The following ATP2B2 variants were observed in gnomAD, a reference collection of about 807,000 sequenced individuals.
ATP2B2 encodes plasma membrane calcium-transporting ATPase 2.
A neutral mutation model predicts 120.0 loss-of-function variants in ATP2B2; 15 were observed. That is an observed-to-expected ratio of 0.12 (90% CI 0.08 to 0.19). The LOEUF is 0.19. Ranked by LOEUF, ATP2B2 falls within the 10% of genes least tolerant of loss-of-function variation. The probability of loss-of-function intolerance (pLI) is 1.00; values close to 1 mark genes in which losing one functional copy is unlikely to be tolerated. For synonymous variants in ATP2B2, 694 were observed against 700.3 expected (o/e 0.99, Z 0.14); for missense variants, 1,045 against 1,719.8 (o/e 0.61, Z 6.94).
chr3:10,358,656 C>A, intron 14 of ATP2B2, 35 bp downstream of exon 14: 1 of 1,610,532 alleles, frequency 6.2e-7, no homozygotes, highest in Non-Finnish European at 8.5e-7. Context: ...CCAGCCTCAT[C>A]CCCTTTCCCT....
At chr3:10,405,668 G>T (rs1315807339) in intron 3 of ATP2B2, among the ~76,000 whole-genome samples, 1 of 152,156 alleles carries the variant, frequency 6.6e-6, no homozygotes, top group East Asian at 1.9e-4. Context: ...TCCTGGACCT[G>T]CGGCTATAGA....
intron 5 of ATP2B2, among the ~76,000 whole-genome samples, chr3:10,397,909 A>C (rs554697438): frequency 6.6e-6 from 1 of 152,192 alleles, no homozygotes; most frequent in Non-Finnish European, 1.5e-5. Context: ...TTCCAATTAT[A>C]CTGCTTTCTA....
intron 2 of ATP2B2, among the ~76,000 whole-genome samples, chr3:10,611,601 G>A (rs1298368552): frequency 6.6e-6 from 1 of 152,118 alleles, no homozygotes; most frequent in African/African-American, 2.4e-5. Context: ...CGACTCACAT[G>A]GGACTCACGT....
At chr3:10,579,810 GAAAACAAAACAAAAC>G (rs59097062) in intron 2 of ATP2B2, among the ~76,000 whole-genome samples, 7,752 of 146,288 alleles carry the variant, frequency 0.053, 666 homozygotes, top group African/African-American at 0.18. Flanking sequence ...ACTCCGTCTT[GAAAACAAAACAAAAC>G]AAAACAAAAC....
At chr3:10,386,346 G>T in intron 7 of ATP2B2, 134 bp downstream of exon 7, 2 of 947,612 alleles carry the variant, frequency 2.1e-6, no homozygotes, top group Non-Finnish European at 3.4e-6. Flanking sequence ...ACAAAGGAGG[G>T]TCTGGGGGGT....
intron 2 of ATP2B2, among the ~76,000 whole-genome samples, chr3:10,418,943 G>A (rs978829755): frequency 8.5e-5 from 13 of 152,186 alleles, no homozygotes; most frequent in Admixed American, 5.9e-4. Flanking sequence ...CTGCAGGGCC[G>A]GGGGCCATCA....
At chr3:10,699,245 T>C (rs2071782944) in intron 1 of ATP2B2, among the ~76,000 whole-genome samples, 7 of 152,374 alleles carry the variant, frequency 4.6e-5, no homozygotes, top group Admixed American at 4.6e-4. Flanking sequence ...CCTGGACATG[T>C]GTCCAGGGGT....
intron 2 of ATP2B2, among the ~76,000 whole-genome samples, chr3:10,619,263 T>C (rs1968474): frequency 0.94 from 143,787 of 152,196 alleles, 68,029 homozygotes; most frequent in African/African-American, 0.99. Flanking sequence ...CCACAGTGGC[T>C]CCATCAACCC....
chr3:10,480,237 C>A (rs2065357178), intron 1 of ATP2B2, among the ~76,000 whole-genome samples: 1 of 152,220 alleles, frequency 6.6e-6, no homozygotes, highest in Admixed American at 6.5e-5. Context: ...CAGGCCCTCT[C>A]TCAGAATCAG....
At chr3:10,404,276 C>A (rs2062334339) in intron 3 of ATP2B2, among the ~76,000 whole-genome samples, 1 of 152,232 alleles carries the variant, frequency 6.6e-6, no homozygotes, top group African/African-American at 2.4e-5. Flanking sequence ...AGCCACCTTT[C>A]TCCCCATCTT....
rs755944942 is a variant in ATP2B2, at chr3:10,340,776, C to T, written c.2918-72G>A. 1.0e-3 allele frequency: 1,534 copies of T among 1,465,538 alleles called. 1 individual carries two copies. The highest frequency in any genetic ancestry group is 1.3e-3 in the Non-Finnish European group (1,375 of 1,048,964). 90.8% of individuals were successfully genotyped at this position (1,465,538 alleles called of 1,614,324 possible). A position where few individuals can be genotyped will look rare whatever the true frequency, so the allele number is the denominator to read the frequency against. On this transcript the variant is annotated intron_variant, in intron 19 of 22. Transcript: ENST00000360273. The surrounding 1 kb of genome is among the most constrained non-coding windows in gnomAD (Gnocchi z 5.0). Reference sequence around the variant, plus strand: ...ATCAGAGGGGAGATGCCTGGCCTTTCGTGGGGGCCTCTTCTGAGCAGTGAC... The same window carrying T: ...ATCAGAGGGGAGATGCCTGGCCTTTTGTGGGGGCCTCTTCTGAGCAGTGAC...
At chr3:10,353,434 G>A (rs188960571) in intron 14 of ATP2B2, among the ~76,000 whole-genome samples, 13 of 152,320 alleles carry the variant, frequency 8.5e-5, no homozygotes, top group East Asian at 1.9e-4. Flanking sequence ...AGTCCTGGCC[G>A]CAGGGAACTG....
intron 2 of ATP2B2, among the ~76,000 whole-genome samples, chr3:10,549,176 C>G (rs894854570): frequency 5.3e-5 from 8 of 152,156 alleles, no homozygotes; most frequent in African/African-American, 1.4e-4. Flanking sequence ...AATGGAGGTG[C>G]CTGAGCCATG....
chr3:10,382,846 C>T (rs1051719301), intron 8 of ATP2B2, among the ~76,000 whole-genome samples: 14 of 151,770 alleles, frequency 9.2e-5, no homozygotes, highest in African/African-American at 3.1e-4. Context: ...AATTATCACC[C>T]TAATTTTTTT....
intron 1 of ATP2B2, among the ~76,000 whole-genome samples, chr3:10,661,860 C>T (rs898831836): frequency 4.6e-5 from 7 of 152,166 alleles, no homozygotes; most frequent in Admixed American, 1.3e-4. Context: ...TACTACAAGG[C>T]TACAGTAACC....
chr3:10,660,793 G>A (rs1162039935), intron 1 of ATP2B2, among the ~76,000 whole-genome samples: 2 of 152,030 alleles, frequency 1.3e-5, no homozygotes, highest in Admixed American at 6.6e-5. Context: ...AGACACAACA[G>A]AAAAAGAGAA....
chr3:10,464,770 G>T (rs1559370401), intron 1 of ATP2B2, among the ~76,000 whole-genome samples: 1 of 152,372 alleles, frequency 6.6e-6, no homozygotes, highest in South Asian at 2.1e-4. Flanking sequence ...GCAGGGCACA[G>T]GGCTCAGCCC....
intron 10 of ATP2B2, among the ~76,000 whole-genome samples, chr3:10,377,218 G>A (rs762263670): frequency 7.2e-5 from 11 of 152,218 alleles, no homozygotes; most frequent in South Asian, 2.1e-4. Flanking sequence ...TGGCGGTGGC[G>A]ATGGCGGTAT....
In ATP2B2 at chr3:10,384,955, G is replaced by A. The variant is rs188167441; in HGVS notation, c.1000+313C>T. 2.0e-3 allele frequency among the ~76,000 whole-genome samples: 300 copies of A among 152,330 alleles called. 1 individual carries two copies. The highest frequency in any genetic ancestry group is 6.0e-3 in the African/African-American group (248 of 41,582). On this transcript the variant is annotated intron_variant, in intron 8 of 22. Coordinates refer to ENST00000360273, the MANE Select transcript of ATP2B2 (RefSeq NM_001001331.4). ...ATACACTTAGGAGAGGGCCATGCCA[G>A]GTGGGACGCTCCTTCTTGGGAGCCA...
Sources: gnomAD v4.1 joint callset for allele counts (sites outside exome capture counted in the v4.1 genomes callset) on GRCh38, gnomAD v4.1.1 for gene constraint, Gnocchi (gnomAD v3.1) non-coding constraint, MANE v1.5 for transcripts, NCBI Gene and HGNC (gene_info 2026-07-23, HGNC 2026-07-21) for gene names.